PIGN: variants seen among roughly 807,000 people sequenced by gnomAD.
PIGN encodes the protein GPI ethanolamine phosphate transferase 1.
A neutral mutation model predicts 125.4 loss-of-function variants in PIGN; 117 were observed. The ratio of observed to expected loss-of-function variants is 0.93; its 90% CI spans 0.80 to 1.09. PIGN has a LOEUF of 1.09. Among genes scored for constraint, PIGN ranks in the 50% least tolerant of loss-of-function variants. PIGN has a pLI of 0.00. For synonymous variants in PIGN, 392 were observed against 377.8 expected, an observed-to-expected ratio of 1.04 and a Z score of -0.44; for missense variants, 1,075 against 1,094.9, an observed-to-expected ratio of 0.98 and a Z score of 0.26.
intron 11 of PIGN, among the ~76,000 whole-genome samples, chr18:62,143,033 T>C (rs894106469): frequency 6.6e-6 from 1 of 152,182 alleles, no homozygotes; most frequent in African/African-American, 2.4e-5. Flanking sequence ...ATCACAGAAA[T>C]TTAAGAGGCA....
chr18:62,078,219 T>C (rs2033271140), intron 28 of PIGN, among the ~76,000 whole-genome samples: 1 of 152,144 alleles, frequency 6.6e-6, no homozygotes, highest in African/African-American at 2.4e-5. Flanking sequence ...GCCAGAAATT[T>C]GAGGGTGGAA....
intron 14 of PIGN, 107 bp downstream of exon 14, chr18:62,138,136 A>G (rs1468503535): frequency 3.3e-5 from 47 of 1,433,592 alleles, no homozygotes; most frequent in Non-Finnish European, 4.4e-5. Context: ...TAATGTATAT[A>G]AAATGGCAAA....
intron 20 of PIGN, among the ~76,000 whole-genome samples, chr18:62,103,281 T>C (rs1394543940): frequency 6.6e-6 from 1 of 152,166 alleles, no homozygotes; most frequent in Admixed American, 6.5e-5. Flanking sequence ...TAAACAAGTA[T>C]ATTATCAGTA....
At chr18:62,107,595 A>G (rs1783388481) in intron 17 of PIGN, 1 of 147,786 alleles carries the variant, frequency 6.8e-6, no homozygotes, top group Non-Finnish European at 1.5e-5. Flanking sequence ...CGCTGTCTCA[A>G]AAAAAAAAAA....
At chr18:62,140,757 C>T (rs1297871030) in intron 11 of PIGN, among the ~76,000 whole-genome samples, 1 of 152,052 alleles carries the variant, frequency 6.6e-6, no homozygotes, top group African/African-American at 2.4e-5. Flanking sequence ...AGAATTTGAC[C>T]ATTTTATGTA....
chr18:62,115,620 G>A (rs965785538), intron 14 of PIGN, among the ~76,000 whole-genome samples: 3 of 133,802 alleles, frequency 2.2e-5, no homozygotes, highest in African/African-American at 8.2e-5. Flanking sequence ...AGATAGGACT[G>A]AGACTTGTAC....
chr18:62,033,016 G>A (rs558387127), intron 23 of PIGN, among the ~76,000 whole-genome samples: 54 of 152,334 alleles, frequency 3.5e-4, no homozygotes, highest in African/African-American at 1.3e-3. Flanking sequence ...AGAGTAACTA[G>A]GCAGGCTTAA....
At chr18:62,079,727 A>G (rs1442600251) in intron 28 of PIGN, among the ~76,000 whole-genome samples, 4 of 151,856 alleles carry the variant, frequency 2.6e-5, no homozygotes, top group Non-Finnish European at 5.9e-5. Flanking sequence ...GAAAAAAAAA[A>G]AAACTCTGGC....
intron 14 of PIGN, among the ~76,000 whole-genome samples, chr18:62,116,878 G>A (rs1390269159): frequency 6.6e-6 from 1 of 152,066 alleles, no homozygotes; most frequent in Non-Finnish European, 1.5e-5. Flanking sequence ...AAGCTTGTCT[G>A]AAGCTAAATT....
intron 30 of PIGN, chr18:62,072,444 C>T (rs2032934001): frequency 8.2e-6 from 3 of 364,850 alleles, no homozygotes; most frequent in Non-Finnish European, 1.5e-5. Context: ...TACATAAATA[C>T]TTACCATTGG....
At chr18:62,120,709 C>T (rs931973096) in intron 14 of PIGN, among the ~76,000 whole-genome samples, 6 of 151,734 alleles carry the variant, frequency 4.0e-5, no homozygotes, top group African/African-American at 1.5e-4. Context: ...GTATAAATAA[C>T]AAGCCAATAT....
chr18:62,127,797 C>A (rs1395499959), intron 14 of PIGN, among the ~76,000 whole-genome samples: 1 of 152,018 alleles, frequency 6.6e-6, no homozygotes, highest in Admixed American at 6.6e-5. Context: ...CTCAAGTGAT[C>A]CTCCCATATC....
chr18:62,022,895 C>A (rs999517801), intron 23 of PIGN, among the ~76,000 whole-genome samples: 2 of 152,120 alleles, frequency 1.3e-5, no homozygotes, highest in African/African-American at 4.8e-5. Flanking sequence ...ATGACATAGT[C>A]TTTGCAAATA....
At chr18:62,141,258 T>TA (rs1483218937) in intron 11 of PIGN, among the ~76,000 whole-genome samples, 2 of 152,182 alleles carry the variant, frequency 1.3e-5, no homozygotes, top group Non-Finnish European at 2.9e-5. Flanking sequence ...CTTTATCAGT[T>TA]AAAAAAATAA....
Position 62,045,646 on chromosome 18 carries a change from T to C in PIGN, c.*210A>G. On this transcript the variant is annotated 3_prime_UTR_variant, in exon 31 of 31. Coordinates refer to ENST00000640252, the MANE Select transcript of PIGN (RefSeq NM_176787.5). ...ATGCCTTCCTATGCTTTTCCACAGA[T>C]ATAATCACTATTTCATGCCTGCAAA... is the stretch of plus-strand genomic sequence containing the variant. The C allele has an allele frequency of 2.2e-6, 1 of 448,120 alleles. No individual in the cohort carries two copies. 27.8% of individuals were successfully genotyped at this position (448,120 alleles called of 1,614,324 possible). A position where few individuals can be genotyped will look rare whatever the true frequency, so the allele number is the denominator to read the frequency against.
rs1047602091 is a variant in PIGN, at chr18:62,042,352, A to G, written c.*3504T>C. The G allele has an allele frequency of 2.0e-4, 31 of 152,236 alleles. No homozygotes were observed. The highest frequency in any genetic ancestry group is 7.5e-4 in the African/African-American group (31 of 41,546). The allele number at this position is 152,236 out of a possible 1,614,324, so 9.4% of individuals were successfully genotyped here. ...AAAAGAAAGAAAGAAAAAAGAAACT[A>G]TTTTTATTATGACATTTATTTGTAT... On this transcript the variant is annotated 3_prime_UTR_variant, in exon 31 of 31. Coordinates refer to ENST00000640252, the MANE Select transcript of PIGN (RefSeq NM_176787.5).
At chr18:62,186,007 T>G (rs1245456949) in intron 1 of PIGN, among the ~76,000 whole-genome samples, 1 of 151,938 alleles carries the variant, frequency 6.6e-6, no homozygotes, top group Non-Finnish European at 1.5e-5. Flanking sequence ...AGAGAAATGA[T>G]GTTAATTCCT....
At chr18:62,090,337 T>A (rs960257997) in intron 24 of PIGN, 139 bp downstream of exon 24, 10 of 562,532 alleles carry the variant, frequency 1.8e-5, no homozygotes, top group Non-Finnish European at 2.8e-5. Flanking sequence ...AAGTTTAACT[T>A]AATTATTAAT....
chr18:62,154,113 T>C (rs1295973096), intron 7 of PIGN: 1 of 170,702 alleles, frequency 5.9e-6, no homozygotes, highest in Non-Finnish European at 1.2e-5. Context: ...GCCTATATAA[T>C]CTGCTTATCT....
Sources: gnomAD v4.1 joint callset for allele counts (sites outside exome capture counted in the v4.1 genomes callset) on GRCh38, gnomAD v4.1.1 for gene constraint, MANE v1.5 for transcripts, NCBI Gene and HGNC (gene_info 2026-07-23, HGNC 2026-07-21) for gene names.